Variants in ZBTB7C observed in about 807,000 individuals in gnomAD.
ZBTB7C encodes the protein zinc finger and BTB domain-containing protein 7C.
A neutral mutation model predicts 25.7 loss-of-function variants in ZBTB7C; 8 were observed. That is an observed-to-expected ratio of 0.31 (90% confidence interval 0.18 to 0.56). ZBTB7C has a LOEUF of 0.56. ZBTB7C is among the 20% of genes least tolerant of loss of function. ZBTB7C has a pLI of 0.91. For missense variants in ZBTB7C, 824 were observed against 855.2 expected, an observed-to-expected ratio of 0.96 and a Z score of 0.46; for synonymous variants, 394 against 369.0, an observed-to-expected ratio of 1.07 and a Z score of -0.78.
At chr18:48,269,397 TC>T (rs1193110690) in intron 2 of ZBTB7C, among the ~76,000 whole-genome samples, 1 of 152,128 alleles carries the variant, frequency 6.6e-6, no homozygotes, top group Non-Finnish European at 1.5e-5. Flanking sequence ...CTAATCACCG[TC>T]CAAAAGCCAC....
rs115123283 is a variant in ZBTB7C, at chr18:48,316,470, T to C, written c.-79+21704A>G. The stretch of plus-strand genomic sequence containing the variant: ...ATGTTTATCCCCTTCAAACCTTACG[T>C]TGAAATGTGACCCCCAGTGTTGGAA... On this transcript the variant is annotated intron_variant, in intron 2 of 4. Coordinates refer to ENST00000590800, the MANE Select transcript of ZBTB7C (RefSeq NM_001318841.2). Among the ~76,000 whole-genome samples, 737 of 152,344 alleles carry C rather than the reference T, an allele frequency of 4.8e-3. 4 individuals carry two copies. The highest frequency in any genetic ancestry group is 0.017 in the African/African-American group (707 of 41,586).
chr18:48,286,130 A>G (rs971891863), intron 2 of ZBTB7C, among the ~76,000 whole-genome samples: 7 of 152,128 alleles, frequency 4.6e-5, no homozygotes, highest in African/African-American at 1.7e-4. Context: ...TTTTCAGGCA[A>G]CTGACAATAT....
intron 2 of ZBTB7C, among the ~76,000 whole-genome samples, chr18:48,201,795 G>C (rs780558151): frequency 6.6e-6 from 1 of 152,298 alleles, no homozygotes; most frequent in South Asian, 2.1e-4. Context: ...TCCGAGGCGC[G>C]CATCCCTCTC....
rs114042126 is a variant in ZBTB7C, at chr18:48,218,874, G to A, written c.-78-32879C>T. On this transcript the variant is annotated intron_variant, in intron 2 of 4. Transcript: ENST00000590800. ...CCTACACTTGGAAGACAGCTATGCC[G>A]GGGCCAAGAGTGAAGGTCCCTCTCT... Among the ~76,000 whole-genome samples the A allele has an allele frequency of 2.8e-3, 424 of 152,206 alleles. 2 individuals are homozygous for A. The highest frequency in any genetic ancestry group is 9.6e-3 in the African/African-American group (398 of 41,520).
chr18:48,269,350 G>A (rs963826704), intron 2 of ZBTB7C, among the ~76,000 whole-genome samples: 1 of 152,110 alleles, frequency 6.6e-6, no homozygotes, highest in Admixed American at 6.5e-5. Context: ...TGATATATGA[G>A]CACTAATCAT....
chr18:48,314,742 A>C (rs1598850688), intron 2 of ZBTB7C, among the ~76,000 whole-genome samples: 1 of 151,220 alleles, frequency 6.6e-6, no homozygotes. Flanking sequence ...AGTTGCCCCC[A>C]CCCCTCCAGG....
intron 3 of ZBTB7C, among the ~76,000 whole-genome samples, chr18:48,120,785 G>T (rs2039602843): frequency 6.6e-6 from 1 of 152,194 alleles, no homozygotes; most frequent in African/African-American, 2.4e-5. Context: ...CATTCACTTG[G>T]AGACTAAATG....
intron 2 of ZBTB7C, among the ~76,000 whole-genome samples, chr18:48,301,757 T>G (rs1226791861): frequency 1.3e-5 from 2 of 152,192 alleles, no homozygotes; most frequent in African/African-American, 4.8e-5. Flanking sequence ...GTGTTGACTT[T>G]TCTTGGTGAG....
At chr18:48,160,066 C>G (rs889249387) in intron 3 of ZBTB7C, among the ~76,000 whole-genome samples, 1 of 152,246 alleles carries the variant, frequency 6.6e-6, no homozygotes, top group Non-Finnish European at 1.5e-5. Context: ...GCCAATTTGG[C>G]TCATGCTCGG....
intron 2 of ZBTB7C, among the ~76,000 whole-genome samples, chr18:48,254,070 G>T (rs1194433471): frequency 1.3e-5 from 2 of 152,216 alleles, no homozygotes; most frequent in African/African-American, 4.8e-5. Flanking sequence ...TCTGATATAG[G>T]AGTTAAGAAG....
At chr18:48,181,752 GCAGGTTC>G (rs2041929820) in intron 3 of ZBTB7C, among the ~76,000 whole-genome samples, 1 of 152,296 alleles carries the variant, frequency 6.6e-6, no homozygotes, top group East Asian at 1.9e-4. Flanking sequence ...TAGTGGGGTT[GCAGGTTC>G]CAGAGTACTT....
chr18:48,245,359 T>C lies in ZBTB7C; in HGVS notation c.-78-59364A>G, dbSNP rs376666222. ...GGAGTGAGGGATAAAAGACTACACA[T>C]TGGGTACAGTGTACACTGCTCAGGT... On this transcript the variant is annotated intron_variant, in intron 2 of 4. Coordinates refer to ENST00000590800, the MANE Select transcript of ZBTB7C (RefSeq NM_001318841.2). 1.2e-3 allele frequency among the ~76,000 whole-genome samples: 175 copies of C among 151,502 alleles called. 2 individuals are homozygous for C. Among genetic ancestry groups the C allele is most frequent in the Middle Eastern group, 3.4e-3 (1 of 292 alleles).
At chr18:48,031,610 A>G (rs2035751290) in intron 4 of ZBTB7C, among the ~76,000 whole-genome samples, 1 of 152,198 alleles carries the variant, frequency 6.6e-6, no homozygotes, top group Non-Finnish European at 1.5e-5. Flanking sequence ...GACTCAATAA[A>G]ACAGTGCTGG....
intron 3 of ZBTB7C, among the ~76,000 whole-genome samples, chr18:48,092,640 C>T (rs1446178448): frequency 6.6e-6 from 1 of 152,136 alleles, no homozygotes; most frequent in Non-Finnish European, 1.5e-5. Context: ...TTCTAGAAAC[C>T]ACAGAAGAGT....
chr18:48,390,209 G>T (rs1163290119), intron 1 of ZBTB7C, among the ~76,000 whole-genome samples: 1 of 152,162 alleles, frequency 6.6e-6, no homozygotes, highest in African/African-American at 2.4e-5. Flanking sequence ...GCTAAAACAA[G>T]AAAATGTTAA....
intron 3 of ZBTB7C, chr18:48,077,062 C>CAAAAAAAAAAAA (rs10539603): frequency 2.6e-6 from 1 of 386,880 alleles, no homozygotes; most frequent in African/African-American, 2.5e-5. Flanking sequence ...TTGTTATATG[C>CAAAAAAAAAAAA]AAAAAAAAAA....
chr18:48,197,990 T>C (rs2042355223), intron 2 of ZBTB7C, among the ~76,000 whole-genome samples: 1 of 152,206 alleles, frequency 6.6e-6, no homozygotes, highest in African/African-American at 2.4e-5. Flanking sequence ...ACCATCATTT[T>C]TAGTGAAATC....
At chr18:48,213,938 CGT>C (rs1488583390) in intron 2 of ZBTB7C, among the ~76,000 whole-genome samples, 3 of 152,170 alleles carry the variant, frequency 2.0e-5, no homozygotes, top group Non-Finnish European at 4.4e-5. Context: ...GCTGTGACAA[CGT>C]GTGTGGCAAA....
At chr18:48,153,817 C>T (rs564321953) in intron 3 of ZBTB7C, among the ~76,000 whole-genome samples, 5 of 152,280 alleles carry the variant, frequency 3.3e-5, no homozygotes, top group African/African-American at 7.2e-5. Flanking sequence ...TTGACAGGTT[C>T]GAGTAAATAT....
Sources: gnomAD v4.1 joint callset for allele counts (sites outside exome capture counted in the v4.1 genomes callset) on GRCh38, gnomAD v4.1.1 for gene constraint, MANE v1.5 for transcripts, NCBI Gene and HGNC (gene_info 2026-07-23, HGNC 2026-07-21) for gene names.